KLHL13: variants seen among roughly 807,000 people sequenced by gnomAD.
The protein encoded by KLHL13 is kelch-like protein 13.
In KLHL13, 10 loss-of-function variants were observed where a neutral mutation model predicts 37.1. The ratio of observed to expected loss-of-function variants is 0.27; its 90% confidence interval spans 0.17 to 0.46. KLHL13 has a LOEUF of 0.46. Among genes scored for constraint, KLHL13 ranks in the 20% least tolerant of loss-of-function variants. KLHL13 has a pLI of 1.00. For missense variants in KLHL13, 360 were observed against 509.3 expected, an observed-to-expected ratio of 0.71 and a Z score of 2.82; for synonymous variants, 163 against 181.2, an observed-to-expected ratio of 0.90 and a Z score of 0.81.
At chrX:118,105,861 C>T (rs2055340007) in intron 1 of KLHL13, among the ~76,000 whole-genome samples, 1 of 99,801 alleles carries the variant, frequency 1.0e-5, no homozygotes, top group African/African-American at 3.6e-5. Context: ...TGAAAGGCTA[C>T]AGATATTAAA....
At chrX:117,953,363 A>T (rs949991293) in intron 1 of KLHL13, among the ~76,000 whole-genome samples, 4 of 109,935 alleles carry the variant, frequency 3.6e-5, no homozygotes, top group Non-Finnish European at 7.6e-5. Flanking sequence ...ATGAGAAAAC[A>T]TGGACACAAG....
chrX:117,950,265 G>A (rs952917100), intron 1 of KLHL13, among the ~76,000 whole-genome samples: 39 of 112,042 alleles, frequency 3.5e-4, no homozygotes, highest in African/African-American at 1.2e-3. Context: ...TCAGGAGTTC[G>A]AGACCAGCCC....
At chrX:118,008,684 C>T (rs2054016361) in intron 1 of KLHL13, among the ~76,000 whole-genome samples, 1 of 111,325 alleles carries the variant, frequency 9.0e-6, no homozygotes, top group Non-Finnish European at 1.9e-5. Context: ...AACCCTTGTC[C>T]TCAGGGAGTT....
chrX:118,078,880 A>G (rs2054957668), intron 1 of KLHL13, among the ~76,000 whole-genome samples: 1 of 111,537 alleles, frequency 9.0e-6, no homozygotes. Context: ...TACTTCCATC[A>G]GCAATGTATG....
chrX:118,066,620 G>A (rs2054796907), intron 1 of KLHL13, among the ~76,000 whole-genome samples: 1 of 110,987 alleles, frequency 9.0e-6, no homozygotes, highest in Non-Finnish European at 1.9e-5. Flanking sequence ...CATGATCTAC[G>A]AAAGAGAAAC....
intron 1 of KLHL13, among the ~76,000 whole-genome samples, chrX:118,089,620 G>GAA (rs773944967): frequency 0.032 from 2,265 of 71,576 alleles, 68 homozygotes; most frequent in Middle Eastern, 0.062. Context: ...GAGAAAGAAA[G>GAA]AGAAAGAAAG....
At chrX:117,977,946 C>T (rs1181506231), upstream of KLHL13, among the ~76,000 whole-genome samples, 1 of 111,905 alleles carries the variant, frequency 8.9e-6, no homozygotes, top group Non-Finnish European at 1.9e-5. Flanking sequence ...ACTATATATT[C>T]GTGCATGTGT....
intron 1 of KLHL13, among the ~76,000 whole-genome samples, chrX:117,969,572 T>C (rs1191928029): frequency 1.8e-5 from 2 of 111,301 alleles, no homozygotes; most frequent in Admixed American, 9.6e-5. Context: ...AGCAAACACA[T>C]GTCACCAAGC....
At position 118,074,885 on chromosome X, in the gene KLHL13, A is replaced by G. The variant is rs139754262; in HGVS notation, c.-56+41623T>C. 9.4e-3 allele frequency among the ~76,000 whole-genome samples: 1,053 copies of G among 111,599 alleles called. 14 individuals are homozygous for G. Among genetic ancestry groups the G allele is most frequent in the African/African-American group, 0.032 (984 of 30,771 alleles). ...TCCCTTCTGGAGATTCACTACTTAT[A>G]TTGAGAGTTACTGATAGAATGCACT... On this transcript the variant is annotated intron_variant, in intron 1 of 6. Coordinates refer to the KLHL13 transcript ENST00000371882.
intron 1 of KLHL13, among the ~76,000 whole-genome samples, chrX:118,095,203 A>G (rs1356937489): frequency 3.6e-5 from 4 of 110,925 alleles, no homozygotes; most frequent in Non-Finnish European, 7.6e-5. Flanking sequence ...AAGATCTACC[A>G]AGCAAATGGA....
At chrX:117,975,325 T>A (rs756011480), upstream of KLHL13, among the ~76,000 whole-genome samples, 1 of 112,125 alleles carries the variant, frequency 8.9e-6, no homozygotes, top group Non-Finnish European at 1.9e-5. Context: ...AGCAGCTATA[T>A]ATTATGTAGT....
chrX:118,049,944 T>C (rs149023083), intron 1 of KLHL13, among the ~76,000 whole-genome samples: 1,913 of 112,849 alleles, frequency 0.017, 36 homozygotes, highest in African/African-American at 0.057. Flanking sequence ...AATCTGCCCA[T>C]GTCACCACCA....
At chrX:117,930,290 A>AAGGCAGGCAGGCAGGC (rs1166028829) in intron 2 of KLHL13, among the ~76,000 whole-genome samples, 65 of 77,968 alleles carry the variant, frequency 8.3e-4, no homozygotes, top group African/African-American at 3.4e-3. Context: ...GGAAGGAAGG[A>AAGGCAGGCAGGCAGGC]AGGCAGGCAG....
At chrX:118,112,657 G>C (rs1370299264) in intron 1 of KLHL13, among the ~76,000 whole-genome samples, 1 of 112,057 alleles carries the variant, frequency 8.9e-6, no homozygotes. Flanking sequence ...ATCAAATCAA[G>C]TTGACCCTGC....
intron 1 of KLHL13, among the ~76,000 whole-genome samples, chrX:118,036,421 C>T (rs772163348): frequency 5.9e-4 from 66 of 111,092 alleles, no homozygotes; most frequent in South Asian, 2.3e-3. Flanking sequence ...CAGAACAGAG[C>T]CCTCAGAAAC....
intron 1 of KLHL13, among the ~76,000 whole-genome samples, chrX:118,004,212 C>G (rs1245251897): frequency 9.0e-6 from 1 of 111,639 alleles, no homozygotes. Flanking sequence ...TTGGTGAGAA[C>G]TCATGGTTTC....
chrX:117,925,905 G>A (rs1187150320), intron 2 of KLHL13, among the ~76,000 whole-genome samples: 1 of 110,861 alleles, frequency 9.0e-6, no homozygotes, highest in African/African-American at 3.3e-5. Flanking sequence ...ACCCAGGCTG[G>A]CCTCAAGGAT....
At chrX:118,010,466 C>T (rs1320385898) in intron 1 of KLHL13, among the ~76,000 whole-genome samples, 2 of 64,158 alleles carry the variant, frequency 3.1e-5, no homozygotes, top group Admixed American at 2.0e-4. Context: ...TGGAAATCAT[C>T]ATTCTCAGTA....
chrX:118,022,398 T>G (rs958374582), intron 1 of KLHL13, among the ~76,000 whole-genome samples: 1 of 111,686 alleles, frequency 9.0e-6, no homozygotes, highest in South Asian at 3.8e-4. Flanking sequence ...GTATTCAGGT[T>G]TTTGAGGAAC....
Sources: gnomAD v4.1 joint callset for allele counts (sites outside exome capture counted in the v4.1 genomes callset) on GRCh38, gnomAD v4.1.1 for gene constraint, MANE v1.5 for transcripts, NCBI Gene and HGNC (gene_info 2026-07-23, HGNC 2026-07-21) for gene names.